The following MYL1 variants were observed in gnomAD, a reference collection of about 807,000 sequenced individuals.
MYL1 encodes the protein myosin light chain 1.
Under a neutral mutation model 21.8 loss-of-function variants are expected in MYL1, and 16 were observed. That is an observed-to-expected ratio of 0.74 (90% CI 0.50 to 1.12). MYL1 has a LOEUF of 1.12. Ranked by LOEUF, MYL1 falls within the 50% of genes most tolerant of loss-of-function variation. The pLI is 0.00. For synonymous variants in MYL1, 99 were observed against 85.2 expected, an observed-to-expected ratio of 1.16 and a Z score of -0.89; for missense variants, 246 against 241.0, an observed-to-expected ratio of 1.02 and a Z score of -0.14.
intron 3 of MYL1, among the ~76,000 whole-genome samples, chr2:210,297,594 T>C (rs533852447): frequency 6.6e-6 from 1 of 151,988 alleles, no homozygotes; most frequent in Non-Finnish European, 1.5e-5. Context: ...CAAATGTGTC[T>C]TGTCTTTTTT....
intron 1 of MYL1, chr2:210,302,861 G>A: frequency 1.3e-6 from 2 of 1,513,490 alleles, no homozygotes; most frequent in Non-Finnish European, 1.8e-6. Context: ...ACAGAAGAAT[G>A]AGTGCTGGTT....
chr2:210,307,239 G>A (rs1368985966), intron 1 of MYL1, among the ~76,000 whole-genome samples: 1 of 152,192 alleles, frequency 6.6e-6, no homozygotes, highest in African/African-American at 2.4e-5. Flanking sequence ...GGACCTGGAT[G>A]TGAGCCTACC....
chr2:210,301,371 C>T (rs2125741589), intron 2 of MYL1, among the ~76,000 whole-genome samples: 1 of 152,090 alleles, frequency 6.6e-6, no homozygotes, highest in African/African-American at 2.4e-5. Flanking sequence ...CAGTAAATAT[C>T]CCTTTTTCTC....
At chr2:210,290,837 T>G (rs1575700438) in intron 6 of MYL1, among the ~76,000 whole-genome samples, 195 bp downstream of exon 6, 1 of 152,044 alleles carries the variant, frequency 6.6e-6, no homozygotes, top group Non-Finnish European at 1.5e-5. Flanking sequence ...ACCTCATAGG[T>G]TTTTGCTTAT....
chr2:210,297,145 A>T lies in MYL1; in HGVS notation c.304+1275T>A, dbSNP rs192770597. ...TGTTGCAGTAAGCATGAGAATACAG[A>T]CTTTTTTTGACATGTTGATTTCCTT... On this transcript the variant is annotated intron_variant, in intron 3 of 6. Coordinates refer to ENST00000352451, the MANE Select transcript of MYL1 (RefSeq NM_079420.3). Among the ~76,000 whole-genome samples, 883 of 151,542 alleles carry T rather than the reference A, an allele frequency of 5.8e-3. 9 individuals carry two copies. Among genetic ancestry groups the T allele is most frequent in the African/African-American group, 0.019 (793 of 41,336 alleles).
chr2:210,294,217 C>G, intron 4 of MYL1, 28 bp downstream of exon 4: 5 of 1,585,586 alleles, frequency 3.2e-6, no homozygotes, highest in Non-Finnish European at 4.3e-6. Context: ...TTCTGTCTCA[C>G]TAAGTCCACT....
In MYL1 at chr2:210,295,826, GAAAAAAA is replaced by G. The variant is rs753119896; in HGVS notation, c.305-1415_305-1409del. On this transcript the variant is annotated intron_variant, in intron 3 of 6. Transcript: ENST00000352451. Reference sequence around the variant, plus strand: ...GGTGACAGAGTGAGACCCTGCCTCAGAAAAAAAAAAAAAAAAAGAAAGAAAGAAAAAA... The same window carrying G: ...GGTGACAGAGTGAGACCCTGCCTCAGAAAAAAAAAAGAAAGAAAGAAAAAA... 3.0e-4 allele frequency among the ~76,000 whole-genome samples: 21 copies of G among 69,820 alleles called. No individual in the cohort carries two copies. The South Asian group carries it at 6.2e-3, about 21-fold the overall frequency. The allele number at this position is 69,820 out of a possible 152,430, so 45.8% of individuals were successfully genotyped here. A position where few individuals can be genotyped will look rare whatever the true frequency, so the allele number is the denominator to read the frequency against.
chr2:210,304,342 C>G (rs746577775), intron 1 of MYL1, among the ~76,000 whole-genome samples: 9 of 151,620 alleles, frequency 5.9e-5, no homozygotes, highest in Non-Finnish European at 1.2e-4. Context: ...AGAAGTTTTT[C>G]TAGGCAGGAA....
At chr2:210,313,157 G>T (rs1208095842) in intron 1 of MYL1, among the ~76,000 whole-genome samples, 9 of 152,028 alleles carry the variant, frequency 5.9e-5, no homozygotes, top group Admixed American at 4.6e-4. Flanking sequence ...TTCTTACACA[G>T]TTCCTCAGGG....
At chr2:210,314,369 A>AGAGAGC (rs1690458547) in intron 1 of MYL1, among the ~76,000 whole-genome samples, 1 of 152,212 alleles carries the variant, frequency 6.6e-6, no homozygotes, top group Admixed American at 6.5e-5. Context: ...TTAGTGTTGT[A>AGAGAGC]TCAAATTTTA....
At position 210,314,866 on chromosome 2, in the gene MYL1, A is replaced by G. The variant is rs756167746; in HGVS notation, c.132+45T>C. ...TTGCAAGTTCCTAGAGATCCTTACT[A>G]TTGAAAGATGTTTCAGTGACCAAAC... On this transcript the variant is annotated intron_variant, in intron 1 of 6. Transcript: ENST00000352451. 5 of 1,608,596 alleles carry G rather than the reference A, an allele frequency of 3.1e-6. No homozygotes were observed. In the African/African-American group the frequency reaches 5.4e-5, roughly 17 times the overall value.
chr2:210,304,342 C>A (rs746577775), intron 1 of MYL1, among the ~76,000 whole-genome samples: 1 of 151,620 alleles, frequency 6.6e-6, no homozygotes, highest in East Asian at 1.9e-4. Context: ...AGAAGTTTTT[C>A]TAGGCAGGAA....
chr2:210,303,480 A>C (rs904456797), intron 1 of MYL1: 3 of 1,508,414 alleles, frequency 2.0e-6, no homozygotes, highest in African/African-American at 2.8e-5. Flanking sequence ...TCTTCTCAAT[A>C]AGATCATATC....
At chr2:210,299,928 C>T (rs1690237831) in intron 2 of MYL1, among the ~76,000 whole-genome samples, 1 of 151,914 alleles carries the variant, frequency 6.6e-6, no homozygotes, top group Non-Finnish European at 1.5e-5. Flanking sequence ...GCTATTCCTC[C>T]CTCCCCTAAT....
chr2:210,297,732 T>G (rs764754479), intron 3 of MYL1, among the ~76,000 whole-genome samples: 2 of 151,998 alleles, frequency 1.3e-5, no homozygotes, highest in Non-Finnish European at 2.9e-5. Context: ...TTCTGCAATT[T>G]TGCCACTAAC....
chr2:210,298,657 T>C, intron 2 of MYL1, 94 bp from the exon 3 acceptor site: 1 of 1,387,168 alleles, frequency 7.2e-7, no homozygotes, highest in Admixed American at 2.1e-5. Flanking sequence ...AACTCTTCAG[T>C]TTTACAACTT....
chr2:210,291,813 A>G (rs539501218), intron 5 of MYL1, among the ~76,000 whole-genome samples: 119 of 152,300 alleles, frequency 7.8e-4, no homozygotes, highest in African/African-American at 2.6e-3. Context: ...AGTTATGAAC[A>G]GCACAGTAAT....
intron 1 of MYL1, among the ~76,000 whole-genome samples, chr2:210,309,518 T>C (rs1690387010): frequency 6.6e-6 from 1 of 152,076 alleles, no homozygotes; most frequent in African/African-American, 2.4e-5. Flanking sequence ...ACTAGTATAA[T>C]TGAAGCCATT....
intron 6 of MYL1, 79 bp downstream of exon 6, chr2:210,290,953 A>G (rs1690065708): frequency 1.2e-6 from 1 of 852,534 alleles, no homozygotes; most frequent in Non-Finnish European, 1.9e-6. Context: ...AATCTATAGC[A>G]TATAAACTGA....
Sources: allele counts gnomAD v4.1 joint callset (sites outside exome capture counted in the v4.1 genomes callset), GRCh38; gene constraint gnomAD v4.1.1; transcripts MANE v1.5; gene names NCBI Gene and HGNC (gene_info 2026-07-23, HGNC 2026-07-21).